The following DDX23 variants were observed in gnomAD, a reference collection of about 807,000 sequenced individuals.
DDX23 encodes the protein DEAD-box helicase 23.
In DDX23, 33 loss-of-function variants were observed where a neutral mutation model predicts 102.7. The ratio of observed to expected loss-of-function variants is 0.32; its 90% CI spans 0.24 to 0.43. The LOEUF is 0.43. DDX23 is among the 20% of genes least tolerant of loss of function. The probability of loss-of-function intolerance (pLI) is 1.00; values close to 1 mark genes in which losing one functional copy is unlikely to be tolerated. For missense variants in DDX23, 549 were observed against 1,086.6 expected, an observed-to-expected ratio of 0.51 and a Z score of 6.96; for synonymous variants, 352 against 376.0, an observed-to-expected ratio of 0.94 and a Z score of 0.74.
chr12:48,837,858 G>C lies in DDX23; in HGVS notation c.619+84C>G. On this transcript the variant is annotated intron_variant, in intron 6 of 16. Coordinates refer to ENST00000308025, the MANE Select transcript of DDX23 (RefSeq NM_004818.3). The stretch of plus-strand genomic sequence containing the variant: ...CCTTTCCAAACTCCAGAGTGAACAG[G>C]TTTCTATCTCTCCTAAGAGACACTG... 5 of 1,586,450 alleles carry C rather than the reference G, an allele frequency of 3.2e-6. No individual in the cohort carries two copies. In the South Asian group the frequency reaches 4.6e-5, roughly 15 times the overall value.
chr12:48,832,339 C>T lies in DDX23; in HGVS notation c.1955+83G>A. ...GCTCTTCAACACAGCAGAGCAATTG[C>T]CCTGCCCTGCACCTGCACTAAAAAA... is the stretch of plus-strand genomic sequence containing the variant. On this transcript the variant is annotated intron_variant, in intron 14 of 16. Coordinates refer to ENST00000308025, the MANE Select transcript of DDX23 (RefSeq NM_004818.3). The surrounding 1 kb of genome is among the most constrained non-coding windows in gnomAD (Gnocchi z 4.4). The T allele has an allele frequency of 3.2e-6, 5 of 1,572,978 alleles. No homozygotes were observed. Among genetic ancestry groups the T allele is most frequent in the Admixed American group, 1.7e-5 (1 of 58,354 alleles).
intron 12 of DDX23, among the ~76,000 whole-genome samples, chr12:48,834,030 T>C (rs1019339346): frequency 6.6e-6 from 1 of 152,218 alleles, no homozygotes; most frequent in Non-Finnish European, 1.5e-5. Flanking sequence ...GTCTCAGCTC[T>C]GCCCATTGCC....
chr12:48,840,742 G>A (rs1565677505), intron 3 of DDX23, among the ~76,000 whole-genome samples: 2 of 151,484 alleles, frequency 1.3e-5, no homozygotes, highest in South Asian at 4.2e-4. Flanking sequence ...TAGTAGAGAC[G>A]AGGTTTCATC....
rs1350220749 is a variant in DDX23 at position 48,832,622 on chromosome 12, T to C, written c.1804-49A>G. Reference sequence around the variant, plus strand: ...CTGCACCCAGGCAGGAATAATCATATATCCCACTGTCACCGAAGGCAGGTC... The same window carrying C: ...CTGCACCCAGGCAGGAATAATCATACATCCCACTGTCACCGAAGGCAGGTC... On this transcript the variant is annotated intron_variant, in intron 13 of 16. Transcript: ENST00000308025. The surrounding 1 kb of genome is among the most constrained non-coding windows in gnomAD (Gnocchi z 4.4). 5.0e-6 allele frequency: 8 copies of C among 1,596,522 alleles called. No individual in the cohort carries two copies. In the Admixed American group the frequency reaches 8.5e-5, roughly 17 times the overall value.
rs142222165 is a variant in DDX23, at chr12:48,845,640, C to T, written c.143G>A (p.Arg48His). Reference sequence around the variant, plus strand: ...GCCTCCTCGACGTCTATCCCTTGAACGATGCCGCTTTCTATCTTTAGATGG... The same window carrying T: ...GCCTCCTCGACGTCTATCCCTTGAATGATGCCGCTTTCTATCTTTAGATGG... ...SSPSKDRKRHRSRDRRRGGSR... is the reference protein window; with the variant it reads ...SSPSKDRKRHHSRDRRRGGSR... The change falls in exon 2 of 17, where the codon CGT becomes CAT. Residue 48 changes from arginine to histidine, a missense_variant. Coordinates refer to ENST00000308025, the MANE Select transcript of DDX23 (RefSeq NM_004818.3). The T allele has an allele frequency of 6.1e-5, 98 of 1,614,110 alleles. No individual in the cohort carries two copies. The highest frequency in any genetic ancestry group is 7.9e-5 in the Non-Finnish European group (93 of 1,180,048).
rs1036333266 is a variant in DDX23 at position 48,832,284 on chromosome 12, G to A, written c.1956-98C>T. The A allele has an allele frequency of 4.5e-6, 7 of 1,545,046 alleles. No individual in the cohort carries two copies. The African/African-American group carries it at 8.2e-5, about 18-fold the overall frequency. ...GAACACTACTTTCAGGGTCTTTAAT[G>A]CCCATGACATTCTGCCCAAGAAAAC... On this transcript the variant is annotated intron_variant, in intron 14 of 16. Coordinates refer to ENST00000308025, the MANE Select transcript of DDX23 (RefSeq NM_004818.3). The surrounding 1 kb of genome is among the most constrained non-coding windows in gnomAD (Gnocchi z 4.4).
Position 48,836,412 on chromosome 12 carries a change from T to C in DDX23, c.1237-146A>G. Reference sequence around the variant, plus strand: ...ATAGGGACCCCAAGAAGAAACCTAATCACTAAAAGCCAACACTTCTACCAG... The same window carrying C: ...ATAGGGACCCCAAGAAGAAACCTAACCACTAAAAGCCAACACTTCTACCAG... On this transcript the variant is annotated intron_variant, in intron 10 of 16. Transcript: ENST00000308025. This position sits in a 1 kb window ranked among gnomAD's most constrained non-coding sequence, Gnocchi z 6.1. The C allele has an allele frequency of 2.4e-6, 3 of 1,251,476 alleles. No homozygotes were observed. The highest frequency in any genetic ancestry group is 2.3e-5 in the East Asian group (1 of 42,752). 77.5% of individuals were successfully genotyped at this position (1,251,476 alleles called of 1,614,324 possible). A position where few individuals can be genotyped will look rare whatever the true frequency, so the allele number is the denominator to read the frequency against.
chr12:48,832,246 A>C lies in DDX23; in HGVS notation c.1956-60T>G. On this transcript the variant is annotated intron_variant, in intron 14 of 16. Transcript: ENST00000308025. The surrounding 1 kb of genome is among the most constrained non-coding windows in gnomAD (Gnocchi z 4.4). ...ACCTCCCACTCCAAGTGAAATGCCC[A>C]ACCCTCATCTATGAACACTACTTTC... 6.3e-7 allele frequency: 1 copy of C among 1,589,666 alleles called. No homozygotes were observed. The highest frequency in any genetic ancestry group is 8.6e-7 in the Non-Finnish European group (1 of 1,158,916).
intron 16 of DDX23, 82 bp downstream of exon 16, chr12:48,831,060 T>G: frequency 6.6e-7 from 1 of 1,525,038 alleles, no homozygotes; most frequent in Non-Finnish European, 9.0e-7. Flanking sequence ...CAGCCTTCCA[T>G]GGACAGCACC....
At chr12:48,835,263 A>T (rs980012814) in intron 11 of DDX23, 4 of 179,622 alleles carry the variant, frequency 2.2e-5, no homozygotes, top group Admixed American at 1.1e-4. Context: ...AAATAAATAA[A>T]TAATAAATAC....
chr12:48,849,635 T>G (rs1455212693), intron 1 of DDX23, among the ~76,000 whole-genome samples: 3 of 149,024 alleles, frequency 2.0e-5, no homozygotes, highest in East Asian at 2.0e-4. Context: ...CTAGCCTGGG[T>G]GACAGAGCAA....
At chr12:48,843,102 T>C (rs1938597969) in intron 3 of DDX23, among the ~76,000 whole-genome samples, 1 of 149,528 alleles carries the variant, frequency 6.7e-6, no homozygotes, top group South Asian at 2.2e-4. Flanking sequence ...GAAGGCAGCA[T>C]GCTCGTTAAG....
chr12:48,851,642 A>T (rs1230521935), intron 1 of DDX23, among the ~76,000 whole-genome samples: 1 of 152,216 alleles, frequency 6.6e-6, no homozygotes, highest in Non-Finnish European at 1.5e-5. Context: ...TTGAGCTTTT[A>T]AGTATAAGTA....
chr12:48,840,040 C>T lies in DDX23; in HGVS notation c.387G>A (p.Glu129=), dbSNP rs774964089. 61 of 1,614,020 alleles carry T rather than the reference C, an allele frequency of 3.8e-5. No homozygotes were observed. The highest frequency in any genetic ancestry group is 4.6e-5 in the Non-Finnish European group (54 of 1,179,996). Residue 129 remains glutamate, a synonymous_variant, in exon 4 of 17, where the codon GAG becomes GAA. Transcript: ENST00000308025. ...TAGGCTTCTTATCACCATGTTCATC[C>T]TCTTCATCCTTCTTAGAGTCTCTGT... ...RKDRDSKKDE[E]DEHGDKKPKA...
At chr12:48,838,368 T>C (rs1009182388) in intron 5 of DDX23, among the ~76,000 whole-genome samples, 9 of 151,690 alleles carry the variant, frequency 5.9e-5, no homozygotes, top group Admixed American at 2.0e-4. Context: ...CTGGGCAACA[T>C]AGCAGACCTT....
intron 3 of DDX23, 57 bp downstream of exon 3, chr12:48,843,883 G>C: frequency 1.3e-6 from 2 of 1,573,928 alleles, no homozygotes; most frequent in Non-Finnish European, 1.7e-6. Flanking sequence ...AGCAAACTCA[G>C]GTGCAGAGAA....
intron 11 of DDX23, 80 bp from the exon 12 acceptor site, chr12:48,834,577 C>T (rs1938437852): frequency 7.3e-7 from 1 of 1,372,250 alleles, no homozygotes; most frequent in Non-Finnish European, 1.0e-6. Flanking sequence ...CAAAGTCACT[C>T]TTACGGGGAG....
rs748436278 is a variant in DDX23 at position 48,836,203 on chromosome 12, C to T, written c.1300G>A (p.Val434Met). The change falls in exon 11 of 17, where the codon GTG (valine) becomes ATG (methionine). Residue 434 changes from valine to methionine, a missense_variant. Physicochemically the swap from Val to Met is conservative, Grantham distance 21. Coordinates refer to ENST00000308025, the MANE Select transcript of DDX23 (RefSeq NM_004818.3). The surrounding 1 kb of genome is among the most constrained non-coding windows in gnomAD (Gnocchi z 6.1). ...GTCTTGCCACTGCCAGTCTCAGCCA[C>T]ACCAATGATGTCACGATTCTGTAGC... ...IGLQNRDIIG[V>M]AETGSGKTAA... is the part of the protein sequence containing the mutation. The T allele has an allele frequency of 1.2e-6, 2 of 1,614,128 alleles. No individual in the cohort carries two copies. Among genetic ancestry groups the T allele is most frequent in the Non-Finnish European group, 1.7e-6 (2 of 1,180,038 alleles).
Position 48,833,533 on chromosome 12 carries a change from T to C in DDX23, c.1561-14A>G. On this transcript the variant is annotated splice_polypyrimidine_tract_variant and intron_variant, in intron 12 of 16. Coordinates refer to ENST00000308025, the MANE Select transcript of DDX23 (RefSeq NM_004818.3). ...AGCAATCACAATCTGAGGAGTACAGTATAATCATTTATAGCCCAGCAGGTG... is the reference window on the plus strand; with the variant it reads ...AGCAATCACAATCTGAGGAGTACAGCATAATCATTTATAGCCCAGCAGGTG... 6.2e-7 allele frequency: 1 copy of C among 1,611,266 alleles called. No individual in the cohort carries two copies. Among genetic ancestry groups the C allele is most frequent in the Non-Finnish European group, 8.5e-7 (1 of 1,178,752 alleles).
Sources: gnomAD v4.1 joint callset for allele counts (sites outside exome capture counted in the v4.1 genomes callset) on GRCh38, gnomAD v4.1.1 for gene constraint, Gnocchi (gnomAD v3.1) non-coding constraint, MANE v1.5 for transcripts, NCBI Gene and HGNC (gene_info 2026-07-23, HGNC 2026-07-21) for gene names.